RASGEF1C: variants seen among roughly 807,000 people sequenced by gnomAD.
RASGEF1C encodes the protein RasGEF domain family member 1C.
A neutral mutation model predicts 58.1 loss-of-function variants in RASGEF1C; 27 were observed. The ratio of observed to expected loss-of-function variants is 0.46; its 90% confidence interval spans 0.34 to 0.64. The LOEUF (loss-of-function observed/expected upper bound fraction) is 0.64. RASGEF1C is among the 30% of genes least tolerant of loss of function. The pLI, the probability that RASGEF1C is intolerant of heterozygous loss-of-function variation, is 0.01. For synonymous variants in RASGEF1C, 243 were observed against 246.3 expected (o/e 0.99, Z 0.13); for missense variants, 502 against 605.1 (o/e 0.83, Z 1.79).
At chr5:180,138,586 A>G (rs567037770) in intron 1 of RASGEF1C, among the ~76,000 whole-genome samples, 16 of 152,248 alleles carry the variant, frequency 1.1e-4, no homozygotes, top group Admixed American at 1.0e-3. Context: ...CACATTCCTG[A>G]GCACAGTGTC....
chr5:180,204,620 A>C (rs1756458020), intron 1 of RASGEF1C, among the ~76,000 whole-genome samples: 1 of 54,402 alleles, frequency 1.8e-5, no homozygotes, highest in Non-Finnish European at 5.4e-5. Context: ...ATATTCCTCT[A>C]TCTATCTATC....
chr5:180,162,276 A>G (rs1193117722), intron 1 of RASGEF1C, among the ~76,000 whole-genome samples: 1 of 152,204 alleles, frequency 6.6e-6, no homozygotes. Flanking sequence ...TTCCTGGGCC[A>G]TGGATGTGGC....
chr5:180,113,239 C>T lies in RASGEF1C; in HGVS notation c.1179+1207G>A, dbSNP rs1364927448. Reference sequence around the variant, plus strand: ...GATGGACGGAGGGACAGGGGATGGACGGAGGGACCGAGGATGGACGGAGGG... The same window carrying T: ...GATGGACGGAGGGACAGGGGATGGATGGAGGGACCGAGGATGGACGGAGGG... On this transcript the variant is annotated intron_variant, in intron 11 of 13. Transcript: ENST00000361132. 1.1e-3 allele frequency among the ~76,000 whole-genome samples: 53 copies of T among 47,726 alleles called. 3 individuals carry two copies. Among genetic ancestry groups the T allele is most frequent in the African/African-American group, 3.1e-3 (41 of 13,024 alleles). The allele number at this position is 47,726 out of a possible 152,430, so 31.3% of individuals were successfully genotyped here.
chr5:180,138,411 C>T (rs1278642711), intron 1 of RASGEF1C: 1 of 191,456 alleles, frequency 5.2e-6, no homozygotes, highest in African/African-American at 2.3e-5. Context: ...CCCCCTGCTT[C>T]TGGCCACAAA....
intron 6 of RASGEF1C, among the ~76,000 whole-genome samples, chr5:180,122,028 G>A (rs1167499349): frequency 7.9e-5 from 12 of 152,202 alleles, no homozygotes; most frequent in Admixed American, 6.5e-4. Flanking sequence ...AAATGTGTGT[G>A]ACATCAGCAT....
chr5:180,112,426 C>T (rs11750494), intron 11 of RASGEF1C, among the ~76,000 whole-genome samples: 22,450 of 152,220 alleles, frequency 0.15, 2,002 homozygotes, highest in South Asian at 0.26. Context: ...TCACAGCCCA[C>T]GGAGGCCATG....
intron 1 of RASGEF1C, among the ~76,000 whole-genome samples, chr5:180,186,688 G>A (rs756764983): frequency 2.0e-5 from 3 of 152,074 alleles, no homozygotes; most frequent in Non-Finnish European, 2.9e-5. Flanking sequence ...CATCCTGGCC[G>A]GGCGCAGTGG....
At chr5:180,136,143 C>T (rs1223891994) in intron 4 of RASGEF1C, among the ~76,000 whole-genome samples, 3 of 152,254 alleles carry the variant, frequency 2.0e-5, no homozygotes, top group Non-Finnish European at 4.4e-5. Context: ...ATGGGTCCCC[C>T]CTCACCCGCC....
At chr5:180,128,791 G>A (rs995839499) in intron 4 of RASGEF1C, among the ~76,000 whole-genome samples, 181 bp from the exon 5 acceptor site, 9 of 152,222 alleles carry the variant, frequency 5.9e-5, no homozygotes, top group South Asian at 2.1e-4. Context: ...ACCCAATCCC[G>A]GCCAGGGTGG....
chr5:180,151,876 AAAAC>A (rs998150729), intron 1 of RASGEF1C, among the ~76,000 whole-genome samples: 6 of 151,294 alleles, frequency 4.0e-5, no homozygotes, highest in Non-Finnish European at 3.0e-5. Context: ...TTACAAGAAA[AAAAC>A]AAACAACCCC....
At position 180,158,142 on chromosome 5, in the gene RASGEF1C, A is replaced by G. The variant is rs1766880237; in HGVS notation, c.-6-20084T>C. 6.6e-6 allele frequency among the ~76,000 whole-genome samples: 1 copy of G among 152,142 alleles called. No homozygotes were observed. Among genetic ancestry groups the G allele is most frequent in the African/African-American group, 2.4e-5 (1 of 41,422 alleles). On this transcript the variant is annotated intron_variant, in intron 1 of 13. Transcript: ENST00000361132. This position sits in a 1 kb window ranked among gnomAD's most constrained non-coding sequence, Gnocchi z 4.0. ...CTAAAAAATAAAGCCCATTTTTTTA[A>G]AAGATGGCTTGAAGGGAGTGGGGGT... is the stretch of plus-strand genomic sequence containing the variant.
intron 1 of RASGEF1C, among the ~76,000 whole-genome samples, chr5:180,191,076 C>T (rs1487495502): frequency 3.3e-5 from 5 of 152,150 alleles, no homozygotes; most frequent in Non-Finnish European, 7.3e-5. Flanking sequence ...AAGTGAAAAT[C>T]GAAATCACAA....
chr5:180,178,527 G>A (rs904903338), intron 1 of RASGEF1C, among the ~76,000 whole-genome samples: 2 of 151,874 alleles, frequency 1.3e-5, no homozygotes, highest in Non-Finnish European at 2.9e-5. Flanking sequence ...TGATCTGCCC[G>A]CCTCAGCCCC....
intron 6 of RASGEF1C, among the ~76,000 whole-genome samples, chr5:180,125,799 C>T (rs1766246917): frequency 6.6e-6 from 1 of 151,758 alleles, no homozygotes; most frequent in Admixed American, 6.6e-5. Context: ...AAAAAAAAAG[C>T]TAATCTTAAT....
chr5:180,156,572 C>A lies in RASGEF1C; in HGVS notation c.-6-18514G>T, dbSNP rs966820183. Among the ~76,000 whole-genome samples the A allele has an allele frequency of 2.0e-5, 3 of 152,156 alleles. No homozygotes were observed. The highest frequency in any genetic ancestry group is 7.2e-5 in the African/African-American group (3 of 41,432). Reference sequence around the variant, plus strand: ...GTGCTTGAGTCCAGCAGTTCAAGACCAGCCTGGGCAACATGGTGAGATCCT... The same window carrying A: ...GTGCTTGAGTCCAGCAGTTCAAGACAAGCCTGGGCAACATGGTGAGATCCT... On this transcript the variant is annotated intron_variant, in intron 1 of 13. Coordinates refer to ENST00000361132, the MANE Select transcript of RASGEF1C (RefSeq NM_175062.4). The surrounding 1 kb of genome is among the most constrained non-coding windows in gnomAD (Gnocchi z 4.9).
intron 1 of RASGEF1C, among the ~76,000 whole-genome samples, chr5:180,185,474 A>G (rs1295763869): frequency 6.6e-6 from 1 of 152,052 alleles, no homozygotes; most frequent in Admixed American, 6.6e-5. Context: ...AATCCCAGCT[A>G]CTCAGGAGGC....
chr5:180,124,340 T>G (rs1766221947), intron 6 of RASGEF1C, among the ~76,000 whole-genome samples: 1 of 151,730 alleles, frequency 6.6e-6, no homozygotes, highest in South Asian at 2.1e-4. Context: ...AGAATAGAGA[T>G]CAGGGTAAGA....
At chr5:180,179,757 C>T (rs539305131) in intron 1 of RASGEF1C, among the ~76,000 whole-genome samples, 30 of 152,334 alleles carry the variant, frequency 2.0e-4, no homozygotes, top group Non-Finnish European at 3.7e-4. Flanking sequence ...CCAAACAATG[C>T]ACACTATGCT....
At chr5:180,126,339 G>A (rs1471884453) in intron 6 of RASGEF1C, among the ~76,000 whole-genome samples, 17 of 152,098 alleles carry the variant, frequency 1.1e-4, no homozygotes, top group Admixed American at 6.5e-5. Flanking sequence ...CCCGGGAGGC[G>A]GAGCTTGCAG....
Sources: gnomAD v4.1 joint callset for allele counts (sites outside exome capture counted in the v4.1 genomes callset) on GRCh38, gnomAD v4.1.1 for gene constraint, Gnocchi (gnomAD v3.1) non-coding constraint, MANE v1.5 for transcripts, NCBI Gene and HGNC (gene_info 2026-07-23, HGNC 2026-07-21) for gene names.